The following NIBAN2 variants were observed in gnomAD, a reference collection of about 807,000 sequenced individuals.
The protein encoded by NIBAN2 is protein Niban 2.
In NIBAN2, 36 loss-of-function variants were observed where a neutral mutation model predicts 81.8. The observed-to-expected ratio is 0.44, with a 90% confidence interval of 0.34 to 0.58. The LOEUF (loss-of-function observed/expected upper bound fraction) is 0.58. Ranked by LOEUF, NIBAN2 falls within the 20% of genes least tolerant of loss-of-function variation. The probability of loss-of-function intolerance (pLI) is 0.02; values close to 1 mark genes in which losing one functional copy is unlikely to be tolerated. For synonymous variants in NIBAN2, 445 were observed against 441.6 expected (o/e 1.01, Z -0.10); for missense variants, 897 against 1,014.1 (o/e 0.88, Z 1.57).
chr9:127,564,735 T>C (rs1001996073), intron 1 of NIBAN2, among the ~76,000 whole-genome samples: 6 of 151,882 alleles, frequency 4.0e-5, no homozygotes, highest in African/African-American at 1.5e-4. Context: ...TAGCCGGGCA[T>C]GGTGGTGCAC....
intron 1 of NIBAN2, among the ~76,000 whole-genome samples, chr9:127,566,203 AGATTTG>A (rs1337093973): frequency 2.0e-5 from 3 of 151,876 alleles, no homozygotes; most frequent in African/African-American, 2.4e-5. Context: ...AGTCTGGGGG[AGATTTG>A]TGGGGAAAAT....
intron 1 of NIBAN2, among the ~76,000 whole-genome samples, chr9:127,568,318 C>T (rs1837893434): frequency 6.6e-6 from 1 of 152,180 alleles, no homozygotes; most frequent in Non-Finnish European, 1.5e-5. Flanking sequence ...AGTCCCGGGC[C>T]TTCATGGGCG....
At chr9:127,560,727 C>T (rs1837759266) in intron 1 of NIBAN2, among the ~76,000 whole-genome samples, 1 of 152,212 alleles carries the variant, frequency 6.6e-6, no homozygotes. Flanking sequence ...AGAAGGTGTT[C>T]AATAACTATT....
chr9:127,547,937 T>G (rs1194054295), intron 1 of NIBAN2, among the ~76,000 whole-genome samples: 1 of 152,188 alleles, frequency 6.6e-6, no homozygotes, highest in Non-Finnish European at 1.5e-5. Flanking sequence ...CCACAGAGCC[T>G]GGGCAAATGT....
At chr9:127,573,465 G>T (rs1419306647), upstream of NIBAN2, among the ~76,000 whole-genome samples, 3 of 120,018 alleles carry the variant, frequency 2.5e-5, no homozygotes, top group Non-Finnish European at 5.2e-5. Flanking sequence ...TTTTTTTCAA[G>T]GAAAGAAAAA....
In NIBAN2 at chr9:127,516,865, T is replaced by C; in HGVS notation, c.965A>G (p.Lys322Arg). Residue 322 changes from lysine to arginine, a missense_variant, in exon 8 of 14, where the codon AAG becomes AGG. Lys to Arg is a conservative substitution (Grantham distance 26, BLOSUM62 2). Around this residue, in one of 3 missense-constraint regions of NIBAN2, gnomAD observed 619 missense variants for 691.0 expected, o/e 0.90. Transcript: ENST00000373312. Reference protein sequence around the residue: ...IITSKEHLASKIRAFILPKAE... With the variant: ...IITSKEHLASRIRAFILPKAE... ...CGGGGGTGGCTGCCTACCTCGGATC[T>C]TGCTGGCAAGGTGCTCCTTGGAGGT... 6.2e-7 allele frequency: 1 copy of C among 1,612,628 alleles called. No homozygotes were observed. The highest frequency in any genetic ancestry group is 8.5e-7 in the Non-Finnish European group (1 of 1,178,700).
intron 1 of NIBAN2, among the ~76,000 whole-genome samples, chr9:127,546,362 G>A (rs1348288755): frequency 2.6e-5 from 4 of 152,172 alleles, no homozygotes; most frequent in Non-Finnish European, 5.9e-5. Flanking sequence ...GTCCAGGGCC[G>A]AGGCTGGACT....
Position 127,508,386 on chromosome 9 carries a change from C to T in NIBAN2, c.1434+36G>A. The T allele has an allele frequency of 1.3e-6, 2 of 1,557,824 alleles. No individual in the cohort carries two copies. The highest frequency in any genetic ancestry group is 1.4e-5 in the African/African-American group (1 of 73,972). ...GATGAGGCTCGGGGCTCGGCCTCGCCTAGGACGGTCCGGGGCAGGGCGTGG... is the reference window on the plus strand; with the variant it reads ...GATGAGGCTCGGGGCTCGGCCTCGCTTAGGACGGTCCGGGGCAGGGCGTGG... On this transcript the variant is annotated intron_variant, in intron 11 of 13. Coordinates refer to ENST00000373312, the MANE Select transcript of NIBAN2 (RefSeq NM_022833.4). The surrounding 1 kb of genome is among the most constrained non-coding windows in gnomAD (Gnocchi z 6.4).
rs536000268 is a variant in NIBAN2 at position 127,565,954 on chromosome 9, A to T, written c.55+2866T>A. ...GTCTCTCTCTCTCTCTCTCACACAC[A>T]CACACACACACACACACACACACAC... On this transcript the variant is annotated intron_variant, in intron 1 of 13. Transcript: ENST00000373312. Among the ~76,000 whole-genome samples the T allele has an allele frequency of 2.5e-3, 373 of 148,872 alleles. 2 individuals are homozygous for T. The highest frequency in any genetic ancestry group is 8.7e-3 in the African/African-American group (347 of 39,768).
chr9:127,522,851 AAC>A (rs368003456), intron 5 of NIBAN2, among the ~76,000 whole-genome samples: 1 of 151,158 alleles, frequency 6.6e-6, no homozygotes. Context: ...CCCCTCCCCC[AAC>A]ACACACACAC....
chr9:127,547,635 C>T (rs1172438212), intron 1 of NIBAN2, among the ~76,000 whole-genome samples: 2 of 151,956 alleles, frequency 1.3e-5, no homozygotes, highest in East Asian at 1.9e-4. Flanking sequence ...GTCGGGAGTT[C>T]GAGACCAACC....
chr9:127,515,997 G>T (rs1195613568), intron 8 of NIBAN2, among the ~76,000 whole-genome samples: 2 of 152,136 alleles, frequency 1.3e-5, no homozygotes, highest in Non-Finnish European at 2.9e-5. Context: ...AATGTGCTGG[G>T]CGTGGTGGCA....
intron 5 of NIBAN2, among the ~76,000 whole-genome samples, chr9:127,522,133 C>G (rs1836956072): frequency 6.6e-6 from 1 of 152,216 alleles, no homozygotes; most frequent in Non-Finnish European, 1.5e-5. Context: ...CCACCCAGTC[C>G]CAGCCCACAG....
At chr9:127,577,385 C>T (rs937340416) in intron 1 of NIBAN2, among the ~76,000 whole-genome samples, 4 of 151,898 alleles carry the variant, frequency 2.6e-5, no homozygotes, top group Non-Finnish European at 2.9e-5. Flanking sequence ...CAATACCCCA[C>T]GCTTCCCACA....
intron 1 of NIBAN2, among the ~76,000 whole-genome samples, chr9:127,577,079 G>A (rs1161288910): frequency 2.0e-5 from 3 of 151,766 alleles, no homozygotes; most frequent in Admixed American, 6.6e-5. Context: ...AGGCCGAGGT[G>A]GGCGGATCAC....
intron 1 of NIBAN2, among the ~76,000 whole-genome samples, chr9:127,547,863 A>T (rs544134814): frequency 6.6e-6 from 1 of 152,128 alleles, no homozygotes; most frequent in Non-Finnish European, 1.5e-5. Context: ...AACAAAAAAA[A>T]CCCAGCAACT....
chr9:127,510,731 G>A (rs570147948), intron 8 of NIBAN2, among the ~76,000 whole-genome samples: 129 of 151,786 alleles, frequency 8.5e-4, no homozygotes, highest in African/African-American at 2.9e-3. Context: ...CACCATGCCC[G>A]GCCTATTATT....
chr9:127,573,717 G>T (rs904297436), upstream of NIBAN2, among the ~76,000 whole-genome samples: 1 of 152,116 alleles, frequency 6.6e-6, no homozygotes, highest in Non-Finnish European at 1.5e-5. Flanking sequence ...GCAGTGGCAC[G>T]ATCTCTGCTC....
At chr9:127,523,244 T>C (rs1313942466) in intron 5 of NIBAN2, among the ~76,000 whole-genome samples, 1 of 53,828 alleles carries the variant, frequency 1.9e-5, no homozygotes, top group Non-Finnish European at 3.1e-5. Context: ...TATATATATA[T>C]ATATATATAA....
Sources: gnomAD v4.1 joint callset for allele counts (sites outside exome capture counted in the v4.1 genomes callset) on GRCh38, gnomAD v4.1.1 for gene constraint, gnomAD v4.1.1 regional missense constraint, Gnocchi (gnomAD v3.1) non-coding constraint, MANE v1.5 for transcripts, NCBI Gene and HGNC (gene_info 2026-07-23, HGNC 2026-07-21) for gene names.